The following PDE1A variants were observed in gnomAD, a reference collection of about 807,000 sequenced individuals.
PDE1A encodes phosphodiesterase 1A, also known as dual specificity calcium/calmodulin-dependent 3',5'-cyclic nucleotide phosphodiesterase 1A.
In PDE1A, 35 loss-of-function variants were observed where a neutral mutation model predicts 61.7. That is an observed-to-expected ratio of 0.57 (90% CI 0.43 to 0.75). The LOEUF is 0.75. PDE1A is among the 30% of genes least tolerant of loss of function. PDE1A has a pLI of 0.00. For missense variants in PDE1A, 597 were observed against 630.6 expected, an observed-to-expected ratio of 0.95 and a Z score of 0.57; for synonymous variants, 232 against 213.2, an observed-to-expected ratio of 1.09 and a Z score of -0.77.
chr2:182,481,725 A>G (rs1006038778), intron 2 of PDE1A, among the ~76,000 whole-genome samples: 3 of 151,900 alleles, frequency 2.0e-5, no homozygotes, highest in African/African-American at 7.2e-5. Flanking sequence ...AAAAGCACCA[A>G]CATTGCCTTA....
At chr2:182,169,155 A>T (rs954769610) in intron 13 of PDE1A, among the ~76,000 whole-genome samples, 1 of 152,128 alleles carries the variant, frequency 6.6e-6, no homozygotes, top group Non-Finnish European at 1.5e-5. Flanking sequence ...TTTTGGCTAC[A>T]TATGGGTTTT....
At chr2:182,236,384 T>C (rs1366486717) in intron 3 of PDE1A, among the ~76,000 whole-genome samples, 1 of 152,000 alleles carries the variant, frequency 6.6e-6, no homozygotes, top group African/African-American at 2.4e-5. Context: ...CATCTGTTTC[T>C]AGTCATTACT....
At chr2:182,291,676 A>G (rs1424449015) in intron 1 of PDE1A, among the ~76,000 whole-genome samples, 1 of 152,164 alleles carries the variant, frequency 6.6e-6, no homozygotes, top group Non-Finnish European at 1.5e-5. Flanking sequence ...AAGTGGAAGA[A>G]TGAGTGGAAA....
chr2:182,547,849 T>G, the PDE1A span, among the ~76,000 whole-genome samples: 3 of 152,184 alleles, frequency 2.0e-5, no homozygotes, highest in Non-Finnish European at 4.4e-5. Flanking sequence ...ACTGATAAAG[T>G]AATTATTTCC....
At chr2:182,168,644 T>A (rs961939590) in intron 13 of PDE1A, among the ~76,000 whole-genome samples, 1 of 152,124 alleles carries the variant, frequency 6.6e-6, no homozygotes, top group Non-Finnish European at 1.5e-5. Flanking sequence ...TGAGAGATTA[T>A]CTTGAAACCT....
chr2:182,514,105 A>G (rs1199701002), intron 2 of PDE1A, among the ~76,000 whole-genome samples: 2 of 152,226 alleles, frequency 1.3e-5, no homozygotes, highest in East Asian at 3.8e-4. Context: ...TAAAATACCT[A>G]GAAATACTAC....
the PDE1A span, among the ~76,000 whole-genome samples, chr2:182,631,738 G>A: frequency 9.2e-5 from 14 of 152,294 alleles, no homozygotes; most frequent in East Asian, 2.1e-3. Context: ...AAATGCTTTT[G>A]TCACAATTTA....
intron 1 of PDE1A, among the ~76,000 whole-genome samples, chr2:182,412,896 C>A (rs929578290): frequency 4.6e-5 from 7 of 152,164 alleles, no homozygotes; most frequent in African/African-American, 7.2e-5. Flanking sequence ...AAATAAAGTA[C>A]TACTGCCATG....
chr2:182,668,348 G>A, the PDE1A span, among the ~76,000 whole-genome samples: 1 of 152,050 alleles, frequency 6.6e-6, no homozygotes, highest in Admixed American at 6.6e-5. Flanking sequence ...CTTAGGCAGA[G>A]GGCACTTACA....
intron 13 of PDE1A, among the ~76,000 whole-genome samples, chr2:182,161,015 AAGG>A (rs1223354533): frequency 6.6e-6 from 1 of 152,224 alleles, no homozygotes; most frequent in Non-Finnish European, 1.5e-5. Context: ...TTCAGGAGGT[AAGG>A]AGTTCAGTGA....
At chr2:182,316,024 T>C (rs1276485023) in intron 1 of PDE1A, among the ~76,000 whole-genome samples, 1 of 152,100 alleles carries the variant, frequency 6.6e-6, no homozygotes, top group African/African-American at 2.4e-5. Flanking sequence ...AATCTGGAAG[T>C]TGTGAACTCA....
At chr2:182,393,374 C>T (rs1701527156) in intron 1 of PDE1A, among the ~76,000 whole-genome samples, 1 of 148,148 alleles carries the variant, frequency 6.8e-6, no homozygotes, top group South Asian at 2.2e-4. Flanking sequence ...GGACCCTACC[C>T]ACAGAACCTT....
the PDE1A span, among the ~76,000 whole-genome samples, chr2:182,561,480 C>T: frequency 6.6e-6 from 1 of 152,194 alleles, no homozygotes; most frequent in Non-Finnish European, 1.5e-5. Flanking sequence ...AGTTTGAAGT[C>T]AGGCAGCATG....
the PDE1A span, among the ~76,000 whole-genome samples, chr2:182,637,712 A>G: frequency 1.3e-5 from 2 of 152,104 alleles, no homozygotes; most frequent in African/African-American, 2.4e-5. Context: ...ACTTGAGACC[A>G]AGAGTTCAAG....
chr2:182,557,173 G>A, the PDE1A span, among the ~76,000 whole-genome samples: 1 of 152,194 alleles, frequency 6.6e-6, no homozygotes, highest in Non-Finnish European at 1.5e-5. Context: ...TTGATCCCAA[G>A]TGGTGGAGGT....
the PDE1A span, among the ~76,000 whole-genome samples, chr2:182,598,806 A>T: frequency 1.3e-5 from 2 of 152,152 alleles, no homozygotes; most frequent in African/African-American, 4.8e-5. Flanking sequence ...AGTTACTATT[A>T]CTGCGTAACA....
At chr2:182,409,641 G>T (rs1406553694) in intron 1 of PDE1A, among the ~76,000 whole-genome samples, 4 of 152,120 alleles carry the variant, frequency 2.6e-5, no homozygotes, top group East Asian at 1.9e-4. Context: ...GTGCCTGTTT[G>T]CTTACTCTTC....
the PDE1A span, among the ~76,000 whole-genome samples, chr2:182,658,500 A>G: frequency 7.2e-5 from 11 of 152,202 alleles, no homozygotes; most frequent in Non-Finnish European, 1.3e-4. Flanking sequence ...CACATTCACA[A>G]GTTCCAGAGG....
At chr2:182,191,547 T>C (rs1318120942) in intron 10 of PDE1A, among the ~76,000 whole-genome samples, 5 of 152,232 alleles carry the variant, frequency 3.3e-5, no homozygotes, top group East Asian at 3.9e-4. Flanking sequence ...AAAGTAATTG[T>C]GGTTTTTGCA....
Sources: gnomAD v4.1 joint callset for allele counts (sites outside exome capture counted in the v4.1 genomes callset) on GRCh38, gnomAD v4.1.1 for gene constraint, MANE v1.5 for transcripts, NCBI Gene and HGNC (gene_info 2026-07-23, HGNC 2026-07-21) for gene names.